ST8SIA1: variants seen among roughly 807,000 people sequenced by gnomAD.
The protein encoded by ST8SIA1 is alpha-N-acetylneuraminide alpha-2,8-sialyltransferase.
In ST8SIA1, 16 loss-of-function variants were observed where a neutral mutation model predicts 35.9. That is an observed-to-expected ratio of 0.45 (90% CI 0.30 to 0.68). ST8SIA1 has a LOEUF of 0.68. Ranked by LOEUF, ST8SIA1 falls within the 30% of genes least tolerant of loss-of-function variation. ST8SIA1 has a pLI of 0.09. For missense variants in ST8SIA1, 383 were observed against 453.6 expected (o/e 0.84, Z 1.41); for synonymous variants, 170 against 169.6 (o/e 1.00, Z -0.02).
intron 2 of ST8SIA1, among the ~76,000 whole-genome samples, chr12:22,270,335 A>G (rs1052220637): frequency 2.0e-5 from 3 of 152,208 alleles, no homozygotes; most frequent in African/African-American, 7.2e-5. Context: ...GCACATAGTT[A>G]GTCTTCAACA....
rs757895190 is a variant in ST8SIA1, at chr12:22,201,794, G to C, written c.829C>G (p.Leu277Val). 6.2e-7 allele frequency: 1 copy of C among 1,614,134 alleles called. No homozygotes were observed. The highest frequency in any genetic ancestry group is 1.7e-5 in the Admixed American group (1 of 60,004). Residue 277 changes from leucine (L) to valine (V), a missense_variant, in exon 5 of 5, where the codon CTT (leucine) becomes GTT (valine). Leu to Val is a conservative substitution (Grantham distance 32). Transcript: ENST00000396037. ...CCCAGAGCTGCGCTCACCAGAAAAA[G>C]TCCTGTGGACAGGCGCTTGGCATGG... ...GIHAKRLSTG[L>V]FLVSAALGLC...
intron 2 of ST8SIA1, among the ~76,000 whole-genome samples, chr12:22,281,881 G>A (rs1335284994): frequency 1.3e-5 from 2 of 151,596 alleles, no homozygotes; most frequent in African/African-American, 4.8e-5. Flanking sequence ...GGTAGCACAC[G>A]CCTATAATCC....
At chr12:22,294,758 G>C (rs1418499222) in intron 1 of ST8SIA1, among the ~76,000 whole-genome samples, 3 of 152,104 alleles carry the variant, frequency 2.0e-5, no homozygotes, top group Non-Finnish European at 2.9e-5. Flanking sequence ...AGGAGGATTT[G>C]TTTTTTCTAA....
intron 1 of ST8SIA1, among the ~76,000 whole-genome samples, chr12:22,297,881 G>C (rs1234753996): frequency 1.3e-5 from 2 of 152,080 alleles, no homozygotes; most frequent in Non-Finnish European, 2.9e-5. Context: ...ATTCAGGATG[G>C]GGGCTGATCA....
intron 2 of ST8SIA1, among the ~76,000 whole-genome samples, chr12:22,273,618 A>G (rs1865937531): frequency 6.6e-6 from 1 of 152,144 alleles, no homozygotes; most frequent in Admixed American, 6.5e-5. Flanking sequence ...ACTGCTTCCA[A>G]TGTGAGGATT....
intron 2 of ST8SIA1, among the ~76,000 whole-genome samples, chr12:22,266,502 A>T (rs7487656): frequency 0.16 from 24,593 of 150,148 alleles, 2,174 homozygotes; most frequent in Non-Finnish European, 0.21. Context: ...TTAAAAAAAA[A>T]ATATATATAT....
chr12:22,289,512 G>A lies in ST8SIA1; in HGVS notation c.237-2219C>T, dbSNP rs778078530. Reference sequence around the variant, plus strand: ...GCTGTGTAAACACTGGCCAACTGCCGCAGTACACCAGGTGCCTTCATAGGT... The same window carrying A: ...GCTGTGTAAACACTGGCCAACTGCCACAGTACACCAGGTGCCTTCATAGGT... On this transcript the variant is annotated intron_variant, in intron 1 of 4. Coordinates refer to ENST00000396037, the MANE Select transcript of ST8SIA1 (RefSeq NM_003034.4). 3.2e-4 allele frequency among the ~76,000 whole-genome samples: 49 copies of A among 152,158 alleles called. 1 individual carries two copies. Among genetic ancestry groups the A allele is most frequent in the Admixed American group, 8.5e-4 (13 of 15,270 alleles).
chr12:22,257,619 C>A (rs539287562), intron 2 of ST8SIA1, among the ~76,000 whole-genome samples: 2 of 151,746 alleles, frequency 1.3e-5, no homozygotes, highest in South Asian at 4.2e-4. Flanking sequence ...CAGATCTCTG[C>A]GGGAACCCCT....
chr12:22,229,615 C>CAAA (rs11290260), intron 4 of ST8SIA1, among the ~76,000 whole-genome samples: 3 of 93,732 alleles, frequency 3.2e-5, no homozygotes, highest in Admixed American at 1.1e-4. Flanking sequence ...GACCGGGTTT[C>CAAA]AAAAAAAAAA....
intron 1 of ST8SIA1, among the ~76,000 whole-genome samples, chr12:22,303,695 T>C (rs1232671328): frequency 6.6e-6 from 1 of 152,178 alleles, no homozygotes; most frequent in Non-Finnish European, 1.5e-5. Flanking sequence ...GTTTTTGTTG[T>C]TTGTTTCTGT....
At chr12:22,219,143 T>C (rs1865267980) in intron 4 of ST8SIA1, among the ~76,000 whole-genome samples, 3 of 152,146 alleles carry the variant, frequency 2.0e-5, no homozygotes, top group South Asian at 4.1e-4. Context: ...ATTACATATT[T>C]ATTATAGGTA....
intron 3 of ST8SIA1, among the ~76,000 whole-genome samples, chr12:22,252,150 T>C (rs1300246711): frequency 6.6e-6 from 1 of 152,230 alleles, no homozygotes; most frequent in East Asian, 1.9e-4. Flanking sequence ...TTTGAAAACA[T>C]TTAAGCAAAG....
intron 4 of ST8SIA1, among the ~76,000 whole-genome samples, chr12:22,233,080 G>A (rs575929323): frequency 3.9e-5 from 6 of 152,124 alleles, no homozygotes; most frequent in Non-Finnish European, 8.8e-5. Context: ...GGTCCACTGC[G>A]TGCCAGCACA....
chr12:22,298,960 C>T (rs934806804), intron 1 of ST8SIA1, among the ~76,000 whole-genome samples: 20 of 151,600 alleles, frequency 1.3e-4, no homozygotes, highest in African/African-American at 4.6e-4. Context: ...AAGGATATTA[C>T]AAATGTAGAC....
At chr12:22,332,061 T>C (rs1866774251) in intron 1 of ST8SIA1, among the ~76,000 whole-genome samples, 1 of 152,200 alleles carries the variant, frequency 6.6e-6, no homozygotes, top group Non-Finnish European at 1.5e-5. Context: ...GCTGTTTATC[T>C]AGTCACAGCA....
chr12:22,291,360 G>C (rs1866174057), intron 1 of ST8SIA1, among the ~76,000 whole-genome samples: 1 of 152,180 alleles, frequency 6.6e-6, no homozygotes, highest in Non-Finnish European at 1.5e-5. Context: ...TGATACTTTT[G>C]TGTCCCTTCC....
chr12:22,198,509 C>T lies in ST8SIA1; in HGVS notation c.*3043G>A, dbSNP rs10459078. 55,713 of 146,890 alleles carry T rather than the reference C, an allele frequency of 0.38. 10,828 individuals are homozygous for T. Among genetic ancestry groups the T allele is most frequent in the East Asian group, 0.5 (2,490 of 4,976 alleles). 9.1% of individuals were successfully genotyped at this position (146,890 alleles called of 1,614,324 possible). ...CATAGCACAGTTAAGGATAGAGATG[C>T]CTAACTTCATGCTACACACACACAC... On this transcript the variant is annotated 3_prime_UTR_variant, in exon 5 of 5. Transcript: ENST00000396037.
intron 4 of ST8SIA1, among the ~76,000 whole-genome samples, chr12:22,218,216 C>G (rs1865255225): frequency 6.6e-6 from 1 of 151,866 alleles, no homozygotes; most frequent in Admixed American, 6.6e-5. Context: ...CCCAGCTACT[C>G]AGGAGGCTGA....
In ST8SIA1 at chr12:22,198,431, G is replaced by C. The variant is rs1432261227; in HGVS notation, c.*3121C>G. On this transcript the variant is annotated 3_prime_UTR_variant, in exon 5 of 5. Transcript: ENST00000396037. ...TAGAATTGAAGATCTTAATAATAGA[G>C]TATTCCAGAGCACTCTACAGGATGA... 2.0e-5 allele frequency: 3 copies of C among 151,674 alleles called. No individual in the cohort carries two copies. Among genetic ancestry groups the C allele is most frequent in the Non-Finnish European group, 4.4e-5 (3 of 67,922 alleles). 9.4% of individuals were successfully genotyped at this position (151,674 alleles called of 1,614,324 possible).
Sources: allele counts gnomAD v4.1 joint callset (sites outside exome capture counted in the v4.1 genomes callset), GRCh38; gene constraint gnomAD v4.1.1; transcripts MANE v1.5; gene names NCBI Gene and HGNC (gene_info 2026-07-23, HGNC 2026-07-21).